ARK2C: variants seen among roughly 807,000 people sequenced by gnomAD.
ARK2C encodes the protein E3 ubiquitin-protein ligase ARK2C.
the ARK2C span, chr18:46,456,686 C>T: frequency 9.2e-6 from 12 of 1,307,016 alleles, no homozygotes; most frequent in East Asian, 1.1e-4. Context: ...GGTCCCCCCA[C>T]GGCCATAGCC....
the ARK2C span, among the ~76,000 whole-genome samples, chr18:46,413,237 A>T: frequency 1.3e-5 from 2 of 151,996 alleles, no homozygotes; most frequent in Non-Finnish European, 2.9e-5. Flanking sequence ...AAGGGTACTG[A>T]TCCTCAAGTT....
the ARK2C span, among the ~76,000 whole-genome samples, chr18:46,432,193 T>A: frequency 6.6e-6 from 1 of 152,188 alleles, no homozygotes; most frequent in African/African-American, 2.4e-5. Context: ...TAGAGCTGGA[T>A]TTTTGCTTAG....
chr18:46,374,489 C>T, the ARK2C span, among the ~76,000 whole-genome samples: 2 of 152,250 alleles, frequency 1.3e-5, no homozygotes, highest in East Asian at 1.9e-4. Context: ...ACTTGAGGCC[C>T]CTCATGTCAG....
chr18:46,416,586 C>T, the ARK2C span, among the ~76,000 whole-genome samples: 1 of 152,240 alleles, frequency 6.6e-6, no homozygotes, highest in Non-Finnish European at 1.5e-5. Flanking sequence ...ACAATCACTC[C>T]AAAATTTGGC....
the ARK2C span, chr18:46,435,148 C>A: frequency 3.1e-6 from 2 of 638,186 alleles, no homozygotes. Context: ...AGTGGTGAAG[C>A]TCAGTGCTTG....
chr18:46,416,005 G>C, the ARK2C span, among the ~76,000 whole-genome samples: 1 of 152,126 alleles, frequency 6.6e-6, no homozygotes, highest in Non-Finnish European at 1.5e-5. Flanking sequence ...TCAGGGCTGG[G>C]GTTTGTCCTC....
chr18:46,446,994 T>C, the ARK2C span, among the ~76,000 whole-genome samples: 1 of 152,166 alleles, frequency 6.6e-6, no homozygotes, highest in African/African-American at 2.4e-5. Context: ...AGATCTGAAA[T>C]TGGCCATTTT....
At chr18:46,350,706 G>A in the ARK2C span, among the ~76,000 whole-genome samples, 3 of 152,174 alleles carry the variant, frequency 2.0e-5, no homozygotes, top group Non-Finnish European at 4.4e-5. Context: ...CTTAGCTAGT[G>A]CTCAGCTGTC....
chr18:46,421,901 G>A, the ARK2C span, among the ~76,000 whole-genome samples: 3 of 152,150 alleles, frequency 2.0e-5, no homozygotes, highest in Non-Finnish European at 4.4e-5. Context: ...GCATCACAAA[G>A]CTGCTCTTGG....
the ARK2C span, among the ~76,000 whole-genome samples, chr18:46,347,092 C>G: frequency 6.6e-6 from 1 of 152,096 alleles, no homozygotes; most frequent in African/African-American, 2.4e-5. Context: ...TGGAGAAAAT[C>G]AGGAGGGCCT....
At chr18:46,372,873 G>A in the ARK2C span, among the ~76,000 whole-genome samples, 2 of 152,216 alleles carry the variant, frequency 1.3e-5, no homozygotes, top group Admixed American at 6.5e-5. Context: ...AGCCTCCCGC[G>A]GCACAGGAAC....
At chr18:46,425,488 A>C in the ARK2C span, among the ~76,000 whole-genome samples, 2 of 152,082 alleles carry the variant, frequency 1.3e-5, no homozygotes, top group Admixed American at 6.5e-5. Context: ...TCCTTGGAGG[A>C]CTGGAAGGCA....
the ARK2C span, among the ~76,000 whole-genome samples, chr18:46,426,694 G>A: frequency 6.6e-6 from 1 of 152,312 alleles, no homozygotes; most frequent in East Asian, 1.9e-4. Context: ...TACCATTGAT[G>A]TGTTTATTTA....
At chr18:46,394,669 G>A in the ARK2C span, among the ~76,000 whole-genome samples, 2 of 152,200 alleles carry the variant, frequency 1.3e-5, no homozygotes, top group Non-Finnish European at 2.9e-5. Flanking sequence ...ACCCTGGCGA[G>A]GTTACTTCTA....
the ARK2C span, chr18:46,456,802 G>T: frequency 1.6e-6 from 1 of 619,382 alleles, no homozygotes; most frequent in Non-Finnish European, 2.9e-6. Flanking sequence ...GGGAGAGGAG[G>T]GGGTTGGGGA....
At chr18:46,378,453 G>A in the ARK2C span, among the ~76,000 whole-genome samples, 1 of 152,206 alleles carries the variant, frequency 6.6e-6, no homozygotes, top group Admixed American at 6.5e-5. Context: ...GAGGGGCAGC[G>A]TGAGAAGTGA....
the ARK2C span, among the ~76,000 whole-genome samples, chr18:46,432,411 C>G: frequency 1.9e-4 from 29 of 151,998 alleles, no homozygotes; most frequent in Non-Finnish European, 3.5e-4. Flanking sequence ...AAAGTGTATG[C>G]AAAACAACTT....
chr18:46,396,381 A>G, the ARK2C span, among the ~76,000 whole-genome samples: 2 of 152,070 alleles, frequency 1.3e-5, no homozygotes, highest in African/African-American at 4.8e-5. Context: ...AGAGAAGTGA[A>G]GCGTTAGTGG....
the ARK2C span, among the ~76,000 whole-genome samples, chr18:46,402,723 A>G: frequency 6.6e-6 from 1 of 151,360 alleles, no homozygotes; most frequent in Admixed American, 6.6e-5. Flanking sequence ...CTGATCTCAA[A>G]CTCCTGGGCT....
Sources: gnomAD v4.1 joint callset for allele counts (sites outside exome capture counted in the v4.1 genomes callset) on GRCh38, gnomAD v4.1.1 for gene constraint, MANE v1.5 for transcripts, NCBI Gene and HGNC (gene_info 2026-07-23, HGNC 2026-07-21) for gene names.